The following ZEB1 variants were observed in gnomAD, a reference collection of about 807,000 sequenced individuals.
ZEB1 encodes the protein zinc finger E-box binding homeobox 1, also known as zinc finger E-box-binding homeobox 1.
A neutral mutation model predicts 84.9 loss-of-function variants in ZEB1; 21 were observed. The observed-to-expected ratio is 0.25, with a 90% CI of 0.18 to 0.36. The LOEUF is 0.36. Among genes scored for constraint, ZEB1 ranks in the 10% least tolerant of loss-of-function variants. The probability of loss-of-function intolerance (pLI) is 1.00; values close to 1 mark genes in which losing one functional copy is unlikely to be tolerated. For synonymous variants in ZEB1, 420 were observed against 471.1 expected (o/e 0.89, Z 1.41); for missense variants, 1,104 against 1,330.2 (o/e 0.83, Z 2.65).
At chr10:31,500,172 GAAATCACATAAAAT>G (rs1426349120) in intron 3 of ZEB1, among the ~76,000 whole-genome samples, 41 of 152,154 alleles carry the variant, frequency 2.7e-4, no homozygotes, top group African/African-American at 9.6e-4. Flanking sequence ...GAATCTGTAA[GAAATCACATAAAAT>G]ATTAATTTCA....
intron 1 of ZEB1, among the ~76,000 whole-genome samples, chr10:31,437,747 T>C (rs1302957715): frequency 6.6e-6 from 1 of 152,236 alleles, no homozygotes; most frequent in African/African-American, 2.4e-5. Context: ...ATGATCTTTT[T>C]CTTTTCACTT....
At chr10:31,421,730 G>T (rs1372878381) in intron 1 of ZEB1, among the ~76,000 whole-genome samples, 1 of 151,952 alleles carries the variant, frequency 6.6e-6, no homozygotes, top group African/African-American at 2.4e-5. Context: ...TTCTCTACCT[G>T]GATTGAAGTT....
At chr10:31,335,504 A>G (rs2037830600) in intron 1 of ZEB1, among the ~76,000 whole-genome samples, 1 of 152,202 alleles carries the variant, frequency 6.6e-6, no homozygotes, top group Non-Finnish European at 1.5e-5. Flanking sequence ...AAGTCACTTA[A>G]TAGAATTTAC....
chr10:31,429,683 T>TA lies in ZEB1; in HGVS notation c.59-31340dup, dbSNP rs551407003. Among the ~76,000 whole-genome samples the TA allele has an allele frequency of 4.9e-3, 431 of 88,436 alleles. 2 individuals are homozygous for TA. The highest frequency in any genetic ancestry group is 0.015 in the Middle Eastern group (2 of 130). The allele number at this position is 88,436 out of a possible 152,430, so 58.0% of individuals were successfully genotyped here. A position where few individuals can be genotyped will look rare whatever the true frequency, so the allele number is the denominator to read the frequency against. On this transcript the variant is annotated intron_variant, in intron 1 of 8. Transcript: ENST00000424869. ...CACTTGTACCCCTGAATTTAAAAGT[T>TA]AAAAAAAAAAAAAAGCCAGTGAATC...
intron 1 of ZEB1, among the ~76,000 whole-genome samples, chr10:31,337,398 CTTA>C (rs2038361286): frequency 6.6e-6 from 1 of 151,404 alleles, no homozygotes; most frequent in Non-Finnish European, 1.5e-5. Context: ...TATTGTATTA[CTTA>C]TTATACCTTA....
At chr10:31,454,478 T>C (rs1275726751) in intron 1 of ZEB1, among the ~76,000 whole-genome samples, 1 of 152,158 alleles carries the variant, frequency 6.6e-6, no homozygotes, top group Non-Finnish European at 1.5e-5. Flanking sequence ...GAAGTCAGAT[T>C]GTCTCTGTTT....
chr10:31,331,077 C>CTTTTTTTTTTTTTTT (rs1238584690), intron 1 of ZEB1, among the ~76,000 whole-genome samples: 3 of 89,064 alleles, frequency 3.4e-5, no homozygotes, highest in African/African-American at 1.6e-4. Flanking sequence ...TTTTTTCTTT[C>CTTTTTTTTTTTTTTT]TTTCTTTTTT....
intron 2 of ZEB1, among the ~76,000 whole-genome samples, chr10:31,494,018 T>C (rs768137460): frequency 1.3e-5 from 2 of 152,056 alleles, no homozygotes; most frequent in African/African-American, 4.8e-5. Flanking sequence ...TTAATATCAA[T>C]GTCATATTCC....
chr10:31,370,986 T>C (rs1217255058), intron 1 of ZEB1, among the ~76,000 whole-genome samples: 2 of 152,214 alleles, frequency 1.3e-5, no homozygotes, highest in Non-Finnish European at 2.9e-5. Context: ...CACAAACTGC[T>C]GGGATTACAG....
chr10:31,516,539 TAAAAAAAAAAAAAAAAAA>T (rs71027029), intron 6 of ZEB1, among the ~76,000 whole-genome samples: 1,449 of 34,086 alleles, frequency 0.043, 56 homozygotes, highest in African/African-American at 0.13. Context: ...TGTCTGTAAG[TAAAAAAAAAAAAAAAAAA>T]AAAAAAAAAA....
At chr10:31,372,676 G>C (rs1468816395) in intron 1 of ZEB1, among the ~76,000 whole-genome samples, 1 of 151,994 alleles carries the variant, frequency 6.6e-6, no homozygotes, top group African/African-American at 2.4e-5. Context: ...AGTGTTTCCA[G>C]ACATTACAGT....
chr10:31,455,845 G>A (rs1042571894), intron 1 of ZEB1, among the ~76,000 whole-genome samples: 1 of 152,190 alleles, frequency 6.6e-6, no homozygotes, highest in Non-Finnish European at 1.5e-5. Context: ...GGAAGACAAT[G>A]TGGCGATTCC....
chr10:31,405,858 C>A (rs1464666408), intron 1 of ZEB1, among the ~76,000 whole-genome samples: 1 of 152,132 alleles, frequency 6.6e-6, no homozygotes, highest in East Asian at 1.9e-4. Context: ...TCCCACACCT[C>A]AACAGGCCCC....
intron 1 of ZEB1, among the ~76,000 whole-genome samples, chr10:31,326,475 G>A (rs2035522937): frequency 6.6e-6 from 1 of 152,096 alleles, no homozygotes; most frequent in Admixed American, 6.5e-5. Flanking sequence ...AACTTTATAT[G>A]AATAAATATT....
intron 2 of ZEB1, 49 bp downstream of exon 2, chr10:31,461,286 T>C: frequency 2.7e-6 from 4 of 1,507,030 alleles, no homozygotes; most frequent in Non-Finnish European, 3.6e-6. Context: ...ATTCGTTTTT[T>C]AAAATATATA....
chr10:31,436,754 A>G (rs2058333887), intron 1 of ZEB1, among the ~76,000 whole-genome samples: 1 of 152,188 alleles, frequency 6.6e-6, no homozygotes, highest in African/African-American at 2.4e-5. Context: ...AGTAGTAGAA[A>G]TGTGACAGGT....
rs765424726 is a variant in ZEB1 at position 31,527,096 on chromosome 10, G to A, written c.3210G>A (p.Glu1070=). 4 of 1,591,238 alleles carry A rather than the reference G, an allele frequency of 2.5e-6. No homozygotes were observed. In the African/African-American group the frequency reaches 4.1e-5, roughly 16 times the overall value. Residue 1070 remains glutamate (E), a synonymous_variant, in exon 9 of 9, where the codon GAG becomes GAA. Coordinates refer to ENST00000424869, the MANE Select transcript of ZEB1 (RefSeq NM_001174096.2). ...GGGATGAGGAAGAGGAGGAGGAGGA[G>A]GAAGAAGTGGAAGAAGAAGAGGTAG... ...PQGDEEEEEE[E]EEVEEEEVEE...
At chr10:31,424,723 A>G (rs917261792) in intron 1 of ZEB1, among the ~76,000 whole-genome samples, 1 of 152,026 alleles carries the variant, frequency 6.6e-6, no homozygotes, top group Admixed American at 6.5e-5. Context: ...TATGCTGCTC[A>G]GATGTACCTT....
At chr10:31,513,229 T>C (rs1049044207) in intron 5 of ZEB1, among the ~76,000 whole-genome samples, 16 of 152,160 alleles carry the variant, frequency 1.1e-4, no homozygotes, top group African/African-American at 3.9e-4. Flanking sequence ...AATATGTTCA[T>C]ATGCTTGCTG....
Sources: gnomAD v4.1 joint callset for allele counts (sites outside exome capture counted in the v4.1 genomes callset) on GRCh38, gnomAD v4.1.1 for gene constraint, MANE v1.5 for transcripts, NCBI Gene and HGNC (gene_info 2026-07-23, HGNC 2026-07-21) for gene names.